The following HIBCH variants were observed in gnomAD, a reference collection of about 807,000 sequenced individuals.
HIBCH encodes the protein 3-hydroxyisobutyryl-CoA hydrolase, mitochondrial.
In HIBCH, 50 loss-of-function variants were observed where a neutral mutation model predicts 58.2. The ratio of observed to expected loss-of-function variants is 0.86; its 90% CI spans 0.68 to 1.09. HIBCH has a LOEUF of 1.09. HIBCH is among the 50% of genes least tolerant of loss of function. HIBCH has a pLI of 0.00. For missense variants in HIBCH, 450 were observed against 449.7 expected, an observed-to-expected ratio of 1.00 and a Z score of -0.01; for synonymous variants, 151 against 146.9, an observed-to-expected ratio of 1.03 and a Z score of -0.20.
At chr2:190,222,101 C>T (rs772885178) in intron 11 of HIBCH, among the ~76,000 whole-genome samples, 122 of 152,302 alleles carry the variant, frequency 8.0e-4, no homozygotes, top group Non-Finnish European at 1.6e-3. Flanking sequence ...GACTGTAACA[C>T]TCTTTCTGGG....
At chr2:190,235,194 G>A (rs763246368) in intron 11 of HIBCH, among the ~76,000 whole-genome samples, 3 of 152,230 alleles carry the variant, frequency 2.0e-5, no homozygotes, top group Non-Finnish European at 4.4e-5. Flanking sequence ...GGTAACAAGA[G>A]CAAGGAGGAA....
rs773734146 is a variant in HIBCH at position 190,296,796 on chromosome 2, A to G, written c.219+17T>C. 6.2e-6 allele frequency: 10 copies of G among 1,604,456 alleles called. No homozygotes were observed. The highest frequency in any genetic ancestry group is 2.2e-5 in the South Asian group (2 of 90,880). On this transcript the variant is annotated intron_variant, in intron 3 of 13. Coordinates refer to ENST00000359678, the MANE Select transcript of HIBCH (RefSeq NM_014362.4). ...TTTGAAAAGAATCCATATAATTGCA[A>G]TAAGAAAATTACAAACCTTTAGCTG...
Position 190,235,745 on chromosome 2 carries a change from C to A in HIBCH, c.891+9142G>T, listed in dbSNP as rs1686254692. Among the ~76,000 whole-genome samples, 3 of 152,218 alleles carry A rather than the reference C, an allele frequency of 2.0e-5. No homozygotes were observed. The South Asian group carries it at 6.2e-4, about 31-fold the overall frequency. On this transcript the variant is annotated intron_variant, in intron 11 of 13. Transcript: ENST00000359678. The stretch of plus-strand genomic sequence containing the variant: ...ATACCCTTTGGCACCTGGCAACTCA[C>A]ATAGACTTTGCTCAGATTACACTTC...
chr2:190,195,316 G>A (rs1313148100), intron 1 of HIBCH, among the ~76,000 whole-genome samples: 3 of 152,252 alleles, frequency 2.0e-5, no homozygotes, highest in African/African-American at 4.8e-5. Flanking sequence ...GGATTTAAGC[G>A]TTCAACTTAT....
rs1690412095 is a variant in HIBCH at position 190,207,186 on chromosome 2, A to C, written c.1045+1694T>G. Among the ~76,000 whole-genome samples the C allele has an allele frequency of 6.6e-6, 1 of 152,212 alleles. No homozygotes were observed. The highest frequency in any genetic ancestry group is 6.5e-5 in the Admixed American group (1 of 15,274). ...ACTTCCTTTATGAATCAGAACTTTG[A>C]TGCTGATTGGTTTCAACATTTTTTC... On this transcript the variant is annotated intron_variant, in intron 13 of 13. Transcript: ENST00000359678. This position sits in a 1 kb window ranked among gnomAD's most constrained non-coding sequence, Gnocchi z 4.5.
At chr2:190,296,754 G>T in intron 3 of HIBCH, 59 bp downstream of exon 3, 1 of 1,415,778 alleles carries the variant, frequency 7.1e-7, no homozygotes, top group African/African-American at 1.4e-5. Context: ...TACCAGAAAT[G>T]TCCTATTATG....
chr2:190,259,649 AAT>A (rs1359281540), intron 7 of HIBCH, among the ~76,000 whole-genome samples: 1 of 152,030 alleles, frequency 6.6e-6, no homozygotes, highest in Non-Finnish European at 1.5e-5. Context: ...TTATTTTTCA[AAT>A]AGTTTGTTGT....
chr2:190,312,403 GA>G (rs1688584540), intron 1 of HIBCH, among the ~76,000 whole-genome samples: 1 of 152,242 alleles, frequency 6.6e-6, no homozygotes, highest in Admixed American at 6.5e-5. Context: ...GTCAAAGCTA[GA>G]ATCAGTAGCT....
chr2:190,205,188 G>T lies in HIBCH; in HGVS notation c.1090C>A (p.Leu364Ile), dbSNP rs766617973. The T allele has an allele frequency of 1.9e-6, 3 of 1,610,362 alleles. No homozygotes were observed. Among genetic ancestry groups the T allele is most frequent in the African/African-American group, 1.3e-5 (1 of 74,942 alleles). Residue 364 changes from leucine to isoleucine, a missense_variant, in exon 14 of 14, where the codon CTA becomes ATA. By Grantham distance (5) the Leu-to-Ile change is conservative. Coordinates refer to ENST00000359678, the MANE Select transcript of HIBCH (RefSeq NM_014362.4). ...AAATCTTCCTCAGTAACTTCTTTTA[G>T]ATCAGCTGGTTTCCATTTTGGACTC... ...DQSPKWKPAD[L>I]KEVTEEDLNN...
intron 5 of HIBCH, among the ~76,000 whole-genome samples, chr2:190,289,641 G>A (rs1687915189): frequency 6.6e-6 from 1 of 151,996 alleles, no homozygotes; most frequent in South Asian, 2.1e-4. Context: ...AAATATTGAC[G>A]TCTGTTAATT....
chr2:190,250,605 A>ATC (rs2105939603), intron 8 of HIBCH: 1 of 196,910 alleles, frequency 5.1e-6, no homozygotes, highest in East Asian at 1.4e-4. Context: ...CAGACAGGAT[A>ATC]ATCACATGCC....
chr2:190,261,084 A>G, intron 7 of HIBCH, 72 bp downstream of exon 7: 1 of 1,122,964 alleles, frequency 8.9e-7, no homozygotes, highest in Non-Finnish European at 1.4e-6. Context: ...TCCTTCAACA[A>G]CAGTAAACTC....
chr2:190,257,181 A>C (rs1686949856), intron 7 of HIBCH, among the ~76,000 whole-genome samples: 1 of 152,220 alleles, frequency 6.6e-6, no homozygotes, highest in Admixed American at 6.5e-5. Context: ...TCTTAAGAGC[A>C]GCCAAAGAAA....
chr2:190,225,096 A>C (rs1293034843), intron 11 of HIBCH, among the ~76,000 whole-genome samples: 1 of 152,248 alleles, frequency 6.6e-6, no homozygotes, highest in Non-Finnish European at 1.5e-5. Flanking sequence ...AACATACCAG[A>C]ATCTCTGGGA....
Position 190,204,976 on chromosome 2 carries a change from ATTTCT to A in HIBCH, c.*136_*140del. On this transcript the variant is annotated 3_prime_UTR_variant, in exon 14 of 14. Coordinates refer to ENST00000359678, the MANE Select transcript of HIBCH (RefSeq NM_014362.4). ...TCACGTCATGAATTATTAGTCTTTG[ATTTCT>A]TTTCCCAACCATTTAAAAATGCGGA... The A allele has an allele frequency of 1.5e-6, 1 of 665,624 alleles. No individual in the cohort carries two copies. The highest frequency in any genetic ancestry group is 2.7e-6 in the Non-Finnish European group (1 of 367,342). The allele number at this position is 665,624 out of a possible 1,614,324, so 41.2% of individuals were successfully genotyped here.
At chr2:190,318,728 G>A (rs1432901248) in intron 1 of HIBCH, among the ~76,000 whole-genome samples, 12 of 152,068 alleles carry the variant, frequency 7.9e-5, no homozygotes, top group Admixed American at 7.2e-4. Flanking sequence ...CTGAAAAAGC[G>A]GCAGTAACGA....
chr2:190,273,266 G>A (rs537287535), intron 6 of HIBCH, among the ~76,000 whole-genome samples: 25 of 152,204 alleles, frequency 1.6e-4, no homozygotes, highest in South Asian at 4.1e-4. Context: ...GGTGGCACGC[G>A]CCTGTAATCC....
At chr2:190,293,232 G>C (rs1688000328) in intron 4 of HIBCH, among the ~76,000 whole-genome samples, 1 of 152,024 alleles carries the variant, frequency 6.6e-6, no homozygotes, top group Non-Finnish European at 1.5e-5. Flanking sequence ...CAGGCGGATC[G>C]CCTGAGATCA....
chr2:190,202,403 C>G (rs1690273206), downstream of HIBCH: 1 of 166,702 alleles, frequency 6.0e-6, no homozygotes, highest in Admixed American at 6.6e-5. Flanking sequence ...TAAATCAAGA[C>G]AGGAGCAAAT....
Sources: allele counts gnomAD v4.1 joint callset (sites outside exome capture counted in the v4.1 genomes callset), GRCh38; gene constraint gnomAD v4.1.1; non-coding constraint Gnocchi (gnomAD v3.1); transcripts MANE v1.5; gene names NCBI Gene and HGNC (gene_info 2026-07-23, HGNC 2026-07-21).